The following PSPC1 variants were observed in gnomAD, a reference collection of about 807,000 sequenced individuals.
The protein encoded by PSPC1 is paraspeckle component 1, also known as paraspeckle protein 1.
In PSPC1, 14 loss-of-function variants were observed where a neutral mutation model predicts 51.6. The observed-to-expected ratio is 0.27, with a 90% CI of 0.18 to 0.42. PSPC1 has a LOEUF of 0.42. Ranked by LOEUF, PSPC1 falls within the 10% of genes least tolerant of loss-of-function variation. The probability of loss-of-function intolerance (pLI) is 1.00; values close to 1 mark genes in which losing one functional copy is unlikely to be tolerated. For synonymous variants in PSPC1, 193 were observed against 231.9 expected, an observed-to-expected ratio of 0.83 and a Z score of 1.53; for missense variants, 406 against 701.1, an observed-to-expected ratio of 0.58 and a Z score of 4.75.
At chr13:19,755,809 T>C (rs748845558) in intron 3 of PSPC1, among the ~76,000 whole-genome samples, 5 of 152,250 alleles carry the variant, frequency 3.3e-5, no homozygotes, top group Admixed American at 6.6e-5. Context: ...CCTTTGACTT[T>C]AAAATATCAT....
Position 19,730,966 on chromosome 13 carries a change from A to AAAAC in PSPC1, c.1053-623_1053-622insGTTT, listed in dbSNP as rs1555236490. On this transcript the variant is annotated intron_variant, in intron 5 of 8. Coordinates refer to ENST00000338910, the MANE Select transcript of PSPC1 (RefSeq NM_001354909.2). Reference sequence around the variant, plus strand: ...TCTCAGAAAAAAAAAACAAAAAAACAAAAAAAAAAAAAACAGAAAAAGTCT... The same window carrying AAAAC: ...TCTCAGAAAAAAAAAACAAAAAAACAAAACAAAAAAAAAAAAACAGAAAAAGTCT... Among the ~76,000 whole-genome samples the AAAAC allele has an allele frequency of 2.8e-3, 72 of 25,518 alleles. 4 individuals are homozygous for AAAAC. The East Asian group carries it at 0.067, about 24-fold the overall frequency. The allele number at this position is 25,518 out of a possible 152,430, so 16.7% of individuals were successfully genotyped here.
chr13:19,674,969 T>G (rs1876469364), exon 8 of PSPC1: 1 of 152,208 alleles, frequency 6.6e-6, no homozygotes, highest in Non-Finnish European at 1.5e-5. Flanking sequence ...AAAGCCTCAC[T>G]AGGCAAGTGG....
chr13:19,704,670 T>G (rs1880422209), intron 8 of PSPC1, among the ~76,000 whole-genome samples: 1 of 151,128 alleles, frequency 6.6e-6, no homozygotes, highest in Non-Finnish European at 1.5e-5. Flanking sequence ...AAGTCCGATT[T>G]ATATAGTGAC....
At chr13:19,677,735 T>C in exon 7 of PSPC1, 1 of 467,524 alleles carries the variant, frequency 2.1e-6, no homozygotes, top group Non-Finnish European at 4.3e-6. Flanking sequence ...TGAAAGGAAG[T>C]ATGATTCCAG....
intron 6 of PSPC1, chr13:19,678,895 T>G (rs1252951695): frequency 6.6e-6 from 1 of 152,238 alleles, no homozygotes; most frequent in Admixed American, 6.5e-5. Context: ...TAGCTGAGAC[T>G]ACAGGTGCGC....
intron 8 of PSPC1, among the ~76,000 whole-genome samples, chr13:19,704,089 ATTTAAATAAAG>A (rs1403574778): frequency 6.6e-6 from 1 of 152,270 alleles, no homozygotes; most frequent in African/African-American, 2.4e-5. Flanking sequence ...CAAGGGTGAT[ATTTAAATAAAG>A]TTTACAATTT....
intron 6 of PSPC1, 72 bp downstream of exon 6, chr13:19,730,167 C>A (rs1374856238): frequency 6.8e-6 from 9 of 1,315,424 alleles, no homozygotes; most frequent in Non-Finnish European, 8.7e-6. Flanking sequence ...AAACCAAAAT[C>A]TAAAGCATTC....
Position 19,782,572 on chromosome 13 carries a change from C to T in PSPC1, c.186G>A (p.Gly62=), listed in dbSNP as rs1890085462. 6.2e-7 allele frequency: 1 copy of T among 1,605,952 alleles called. No individual in the cohort carries two copies. Among genetic ancestry groups the T allele is most frequent in the Non-Finnish European group, 8.5e-7 (1 of 1,176,772 alleles). The change falls in exon 1 of 9, where the codon GGG becomes GGA. Residue 62 remains glycine, a synonymous_variant. Transcript: ENST00000338910. This position sits in a 1 kb window ranked among gnomAD's most constrained non-coding sequence, Gnocchi z 4.5. ...GGAAACTCTTGATGTCGATAGTGAA[C>T]CCCATCTCCTCGTCCGGGTGGTCCT... is the stretch of plus-strand genomic sequence containing the variant. ...PPEDHPDEEM[G]FTIDIKSFLK...
Position 19,724,948 on chromosome 13 carries a change from G to A in PSPC1, c.1158+5291C>T, listed in dbSNP as rs146051934. ...TGGGAGGCGGGGGTTGGAGTGGGCC[G>A]AAATCATGTCACTGCACTCCAGCCT... On this transcript the variant is annotated intron_variant, in intron 6 of 8. Transcript: ENST00000338910. Among the ~76,000 whole-genome samples the A allele has an allele frequency of 5.7e-4, 87 of 151,682 alleles. 1 individual carries two copies. In the East Asian group the frequency reaches 0.016, roughly 28 times the overall value.
chr13:19,728,546 C>G (rs180878094), intron 6 of PSPC1, among the ~76,000 whole-genome samples: 22 of 151,832 alleles, frequency 1.4e-4, no homozygotes, highest in Admixed American at 4.6e-4. Context: ...TGAAGAACAA[C>G]TGCCAGAATG....
At chr13:19,732,832 C>A (rs753767184) in intron 5 of PSPC1, among the ~76,000 whole-genome samples, 1 of 151,340 alleles carries the variant, frequency 6.6e-6, no homozygotes, top group East Asian at 1.9e-4. Flanking sequence ...GAGGCTGACG[C>A]AGGAGAATCG....
downstream of PSPC1, chr13:19,671,984 C>A: frequency 8.8e-7 from 1 of 1,132,840 alleles, no homozygotes; most frequent in Non-Finnish European, 1.3e-6. Context: ...GTCTGTAAAC[C>A]TCTTGCAGTT....
At chr13:19,757,066 G>A (rs1887152023) in intron 3 of PSPC1, among the ~76,000 whole-genome samples, 1 of 151,462 alleles carries the variant, frequency 6.6e-6, no homozygotes, top group Non-Finnish European at 1.5e-5. Flanking sequence ...GGAGGCGGGG[G>A]TTGCAGTGAG....
chr13:19,730,969 A>C lies in PSPC1; in HGVS notation c.1053-625T>G, dbSNP rs563095623. ...CAGAAAAAAAAAACAAAAAAACAAA[A>C]AAAAAAAAAACAGAAAAAGTCTGAG... On this transcript the variant is annotated intron_variant, in intron 5 of 8. Coordinates refer to ENST00000338910, the MANE Select transcript of PSPC1 (RefSeq NM_001354909.2). 3.4e-3 allele frequency among the ~76,000 whole-genome samples: 505 copies of C among 146,678 alleles called. 10 individuals are homozygous for C. The highest frequency in any genetic ancestry group is 0.011 in the African/African-American group (449 of 39,840).
downstream of PSPC1, chr13:19,673,087 GGTTT>G (rs758277337): frequency 1.5e-3 from 81 of 52,588 alleles, 1 homozygote; most frequent in Admixed American, 5.6e-4. Context: ...GAACCTATAC[GGTTT>G]TTTTTTGTTT....
At chr13:19,758,048 C>CTCA (rs1190352838) in intron 3 of PSPC1, among the ~76,000 whole-genome samples, 3 of 152,114 alleles carry the variant, frequency 2.0e-5, no homozygotes, top group Non-Finnish European at 4.4e-5. Context: ...GGTGCGGTGG[C>CTCA]TCACGCCTGT....
In PSPC1 at chr13:19,736,062, C is replaced by T. The variant is rs376572482; in HGVS notation, c.1052+5503G>A. 1.2e-3 allele frequency among the ~76,000 whole-genome samples: 184 copies of T among 152,096 alleles called. 2 individuals carry two copies. In the South Asian group the frequency reaches 0.018, roughly 15 times the overall value. Reference sequence around the variant, plus strand: ...GTCTCGATCTCCTGACCTTGTGATCCGCCTGCCTCGGCCTCCCAAAGTGCT... The same window carrying T: ...GTCTCGATCTCCTGACCTTGTGATCTGCCTGCCTCGGCCTCCCAAAGTGCT... On this transcript the variant is annotated intron_variant, in intron 5 of 8. Transcript: ENST00000338910.
exon 8 of PSPC1, chr13:19,674,765 A>G (rs1876444206): frequency 6.6e-6 from 1 of 152,194 alleles, no homozygotes; most frequent in South Asian, 2.1e-4. Flanking sequence ...AGAAGTTCGA[A>G]ATGTTTAATA....
At chr13:19,673,264 G>C (rs1876257659), downstream of PSPC1, 1 of 383,608 alleles carries the variant, frequency 2.6e-6, no homozygotes, top group Non-Finnish European at 5.1e-6. Flanking sequence ...AGCTCAGTCT[G>C]GGTTATGGAG....
Sources: gnomAD v4.1 joint callset for allele counts (sites outside exome capture counted in the v4.1 genomes callset) on GRCh38, gnomAD v4.1.1 for gene constraint, Gnocchi (gnomAD v3.1) non-coding constraint, MANE v1.5 for transcripts, NCBI Gene and HGNC (gene_info 2026-07-23, HGNC 2026-07-21) for gene names.